The following PIK3C2G variants were observed in gnomAD, a reference collection of about 807,000 sequenced individuals.
PIK3C2G encodes the protein phosphatidylinositol-4-phosphate 3-kinase catalytic subunit type 2 gamma, also known as phosphatidylinositol 3-kinase C2 domain-containing subunit gamma.
In PIK3C2G, 168 loss-of-function variants were observed where a neutral mutation model predicts 181.1. The ratio of observed to expected loss-of-function variants is 0.93; its 90% CI spans 0.82 to 1.05. The LOEUF (loss-of-function observed/expected upper bound fraction) is 1.05. PIK3C2G is among the 50% of genes least tolerant of loss of function. PIK3C2G has a pLI of 0.00. For synonymous variants in PIK3C2G, 573 were observed against 592.2 expected, an observed-to-expected ratio of 0.97 and a Z score of 0.47; for missense variants, 1,869 against 1,732.8, an observed-to-expected ratio of 1.08 and a Z score of -1.40.
chr12:18,381,683 T>A, intron 13 of PIK3C2G, 83 bp from the exon 14 acceptor site: 1 of 833,418 alleles, frequency 1.2e-6, no homozygotes. Context: ...ATGTTTATAT[T>A]CCAAAAGAAA....
intron 31 of PIK3C2G, among the ~76,000 whole-genome samples, chr12:18,615,375 G>GTATGTATA (rs1555150546): frequency 0.039 from 3,470 of 89,502 alleles, 45 homozygotes; most frequent in Admixed American, 0.053. Flanking sequence ...GTGTGTATGT[G>GTATGTATA]TATATATATA....
chr12:18,260,938 A>G (rs929917818), upstream of PIK3C2G, among the ~76,000 whole-genome samples: 1 of 152,062 alleles, frequency 6.6e-6, no homozygotes, highest in African/African-American at 2.4e-5. Context: ...ATATTGTTTT[A>G]TTTTGCTGTT....
rs547714739 is a variant in PIK3C2G at position 18,333,458 on chromosome 12, C to A, written c.1273-4968C>A. Among the ~76,000 whole-genome samples the A allele has an allele frequency of 2.4e-4, 36 of 152,166 alleles. 1 individual carries two copies. The highest frequency in any genetic ancestry group is 8.4e-4 in the African/African-American group (35 of 41,532). ...CTCTAACCCCCCACCCACCGACAGG[C>A]CCGGTGTGTGATGTTCCACTCCCTG... On this transcript the variant is annotated intron_variant, in intron 8 of 32. Coordinates refer to ENST00000538779, the MANE Select transcript of PIK3C2G (RefSeq NM_001288772.2).
At chr12:18,692,882 A>G in the PIK3C2G span, 1 of 1,602,542 alleles carries the variant, frequency 6.2e-7, no homozygotes, top group African/African-American at 1.3e-5. Flanking sequence ...CAGTGGGGAA[A>G]AAGAAGAAGA....
intron 25 of PIK3C2G, among the ~76,000 whole-genome samples, chr12:18,545,618 A>G (rs1944382971): frequency 1.3e-5 from 2 of 151,950 alleles, no homozygotes; most frequent in African/African-American, 4.8e-5. Context: ...TAATATAAAC[A>G]AAATATCTTC....
chr12:18,667,101 A>G, the PIK3C2G span, among the ~76,000 whole-genome samples: 81,389 of 151,914 alleles, frequency 0.54, 22,683 homozygotes, highest in South Asian at 0.67. Context: ...CTAGGCTTAA[A>G]TGGAGAATGA....
intron 24 of PIK3C2G, among the ~76,000 whole-genome samples, chr12:18,524,956 A>G (rs1339044869): frequency 6.6e-6 from 1 of 152,182 alleles, no homozygotes; most frequent in Non-Finnish European, 1.5e-5. Context: ...AATGTCCAGC[A>G]CTAAGTGAGG....
At chr12:18,254,226 G>A (rs887811528) in intron 1 of PIK3C2G, among the ~76,000 whole-genome samples, 5 of 152,066 alleles carry the variant, frequency 3.3e-5, no homozygotes, top group Admixed American at 6.5e-5. Context: ...ATCTAAGGTA[G>A]ACTGCTTTCC....
intron 31 of PIK3C2G, among the ~76,000 whole-genome samples, chr12:18,619,840 T>C (rs558964163): frequency 6.6e-6 from 1 of 151,636 alleles, no homozygotes; most frequent in African/African-American, 2.4e-5. Flanking sequence ...TTCTTCTGCC[T>C]CAGCCTCCCG....
At chr12:18,626,224 C>T (rs1270287243) in intron 31 of PIK3C2G, among the ~76,000 whole-genome samples, 1 of 151,668 alleles carries the variant, frequency 6.6e-6, no homozygotes, top group Non-Finnish European at 1.5e-5. Flanking sequence ...TACCCTGATG[C>T]TTACAAATAA....
chr12:18,650,566 C>T (rs1334198006), downstream of PIK3C2G, among the ~76,000 whole-genome samples: 14 of 148,556 alleles, frequency 9.4e-5, no homozygotes, highest in Admixed American at 1.3e-4. Flanking sequence ...AAAGTCTATA[C>T]ATTTATTTAC....
At chr12:18,395,610 A>G (rs949612846) in intron 15 of PIK3C2G, among the ~76,000 whole-genome samples, 10 of 150,440 alleles carry the variant, frequency 6.6e-5, no homozygotes, top group African/African-American at 2.4e-4. Flanking sequence ...AATAAATAAA[A>G]ACAGTTTCAT....
At chr12:18,587,765 A>C (rs1259604996) in intron 29 of PIK3C2G, among the ~76,000 whole-genome samples, 1 of 151,872 alleles carries the variant, frequency 6.6e-6, no homozygotes, top group Non-Finnish European at 1.5e-5. Flanking sequence ...AACAAAACAA[A>C]ACAAAACAAA....
chr12:18,368,589 T>A (rs1460895422), intron 12 of PIK3C2G, among the ~76,000 whole-genome samples: 1 of 152,214 alleles, frequency 6.6e-6, no homozygotes. Context: ...CCCTATCAGT[T>A]AAAAATATCT....
At chr12:18,243,564 A>G (rs1948007388), upstream of PIK3C2G, among the ~76,000 whole-genome samples, 1 of 152,162 alleles carries the variant, frequency 6.6e-6, no homozygotes, top group South Asian at 2.1e-4. Flanking sequence ...TATCAAGTGC[A>G]GTTGAAAAAT....
chr12:18,483,639 T>C (rs1198706568), intron 18 of PIK3C2G, among the ~76,000 whole-genome samples: 1 of 152,080 alleles, frequency 6.6e-6, no homozygotes, highest in African/African-American at 2.4e-5. Context: ...CTTTTGTTTA[T>C]TTTCAGTAAT....
chr12:18,650,092 G>A (rs1036965191), downstream of PIK3C2G, among the ~76,000 whole-genome samples: 1 of 151,976 alleles, frequency 6.6e-6, no homozygotes, highest in Non-Finnish European at 1.5e-5. Context: ...CCAGAGATGA[G>A]TAACAAACTG....
chr12:18,589,698 G>A (rs1381056724), intron 29 of PIK3C2G, among the ~76,000 whole-genome samples: 2 of 152,048 alleles, frequency 1.3e-5, no homozygotes, highest in East Asian at 3.8e-4. Flanking sequence ...GAGACTTAAA[G>A]GGGAAGAAGA....
chr12:18,588,116 A>G (rs887934950), intron 29 of PIK3C2G, among the ~76,000 whole-genome samples: 1 of 152,098 alleles, frequency 6.6e-6, no homozygotes, highest in African/African-American at 2.4e-5. Flanking sequence ...TGGTATAAAG[A>G]CTTACATATA....
Sources: gnomAD v4.1 joint callset for allele counts (sites outside exome capture counted in the v4.1 genomes callset) on GRCh38, gnomAD v4.1.1 for gene constraint, MANE v1.5 for transcripts, NCBI Gene and HGNC (gene_info 2026-07-23, HGNC 2026-07-21) for gene names.